SCHIP1: variants seen among roughly 807,000 people sequenced by gnomAD.
The protein encoded by SCHIP1 is schwannomin interacting protein 1, also known as schwannomin-interacting protein 1.
In SCHIP1, 8 loss-of-function variants were observed where a neutral mutation model predicts 29.7. The ratio of observed to expected loss-of-function variants is 0.27; its 90% CI spans 0.16 to 0.49. The LOEUF (loss-of-function observed/expected upper bound fraction) is 0.49. Among genes scored for constraint, SCHIP1 ranks in the 20% least tolerant of loss-of-function variants. The pLI, the probability that SCHIP1 is intolerant of heterozygous loss-of-function variation, is 0.99. For synonymous variants in SCHIP1, 76 were observed against 94.9 expected, an observed-to-expected ratio of 0.80 and a Z score of 1.16; for missense variants, 193 against 294.6, an observed-to-expected ratio of 0.66 and a Z score of 2.52.
At chr3:159,483,349 C>T in the SCHIP1 span, among the ~76,000 whole-genome samples, 2 of 152,124 alleles carry the variant, frequency 1.3e-5, no homozygotes, top group African/African-American at 4.8e-5. Context: ...CGAGAACAAC[C>T]TGAAGGACAG....
the SCHIP1 span, among the ~76,000 whole-genome samples, chr3:159,710,102 G>T: frequency 3.3e-5 from 5 of 152,166 alleles, no homozygotes; most frequent in Non-Finnish European, 5.9e-5. Flanking sequence ...ACATCCAAAA[G>T]AATGAAATCT....
At chr3:159,585,150 G>C in the SCHIP1 span, among the ~76,000 whole-genome samples, 1 of 151,652 alleles carries the variant, frequency 6.6e-6, no homozygotes. Context: ...CTGTATACTA[G>C]ATAATTGACT....
chr3:159,646,278 T>G, the SCHIP1 span, among the ~76,000 whole-genome samples: 1 of 152,290 alleles, frequency 6.6e-6, no homozygotes, highest in South Asian at 2.1e-4. Flanking sequence ...ATCACTTAGC[T>G]GTTTGTGCTT....
At chr3:159,324,123 C>A in the SCHIP1 span, among the ~76,000 whole-genome samples, 2 of 152,130 alleles carry the variant, frequency 1.3e-5, no homozygotes, top group African/African-American at 4.8e-5. Context: ...CGGGTTACTG[C>A]AGCCTGTGAG....
At chr3:159,692,194 TA>T in the SCHIP1 span, among the ~76,000 whole-genome samples, 36 of 152,226 alleles carry the variant, frequency 2.4e-4, no homozygotes, top group African/African-American at 8.2e-4. Flanking sequence ...ATCTGATGAT[TA>T]TGTGTCTTGA....
At chr3:159,768,710 G>A in the SCHIP1 span, 3 of 152,252 alleles carry the variant, frequency 2.0e-5, no homozygotes, top group African/African-American at 7.2e-5. Flanking sequence ...AAACACTCTA[G>A]TGACTGGATC....
the SCHIP1 span, among the ~76,000 whole-genome samples, chr3:159,454,417 A>C: frequency 6.6e-6 from 1 of 152,076 alleles, no homozygotes; most frequent in African/African-American, 2.4e-5. Flanking sequence ...AAGTCCTGAA[A>C]CCAAATCCTA....
At chr3:159,399,027 C>T in the SCHIP1 span, 1 of 744,756 alleles carries the variant, frequency 1.3e-6, no homozygotes, top group South Asian at 6.1e-5. Context: ...CTAGTGCCCA[C>T]CCCAAACCCT....
chr3:159,482,855 A>G, the SCHIP1 span, among the ~76,000 whole-genome samples: 1 of 152,130 alleles, frequency 6.6e-6, no homozygotes, highest in Admixed American at 6.6e-5. Flanking sequence ...AATGCCCAAC[A>G]GTGAGTAGTA....
the SCHIP1 span, among the ~76,000 whole-genome samples, chr3:159,600,106 G>A: frequency 6.6e-6 from 1 of 152,028 alleles, no homozygotes; most frequent in Non-Finnish European, 1.5e-5. Flanking sequence ...TTCCTTTATA[G>A]GTGACTAGGC....
the SCHIP1 span, among the ~76,000 whole-genome samples, chr3:159,405,424 A>G: frequency 1.3e-5 from 2 of 152,240 alleles, no homozygotes; most frequent in Non-Finnish European, 2.9e-5. Context: ...TATTAATTCT[A>G]TCACATAAAT....
At chr3:159,601,819 C>G in the SCHIP1 span, among the ~76,000 whole-genome samples, 1 of 152,214 alleles carries the variant, frequency 6.6e-6, no homozygotes, top group South Asian at 2.1e-4. Flanking sequence ...GCACCTTTGG[C>G]TCTAGCCAGT....
Position 159,866,385 on chromosome 3 carries a change from C to T in SCHIP1, c.149+104C>T, listed in dbSNP as rs549275767. On this transcript the variant is annotated intron_variant, in intron 2 of 6. Coordinates refer to ENST00000445224, the Ensembl canonical transcript of SCHIP1. ...TTTAAATCTTCTGTAGTTTTTTTTT[C>T]CCCCTCGCATAATACTGCCATCTTT... 6,310 of 1,052,612 alleles carry T rather than the reference C, an allele frequency of 6.0e-3. 35 individuals are homozygous for T. The highest frequency in any genetic ancestry group is 6.3e-3 in the Non-Finnish European group (4,591 of 729,454). The allele number at this position is 1,052,612 out of a possible 1,614,324, so 65.2% of individuals were successfully genotyped here. A position where few individuals can be genotyped will look rare whatever the true frequency, so the allele number is the denominator to read the frequency against.
At chr3:159,360,320 A>G in the SCHIP1 span, among the ~76,000 whole-genome samples, 1 of 152,196 alleles carries the variant, frequency 6.6e-6, no homozygotes, top group Non-Finnish European at 1.5e-5. Flanking sequence ...TCTGGTGTAC[A>G]GTTGCATGCA....
the SCHIP1 span, among the ~76,000 whole-genome samples, chr3:159,439,123 C>T: frequency 6.6e-6 from 1 of 152,138 alleles, no homozygotes; most frequent in African/African-American, 2.4e-5. Context: ...TAAAAGTGTT[C>T]CTTTTTCTGC....
chr3:159,590,015 C>A, the SCHIP1 span, among the ~76,000 whole-genome samples: 2 of 152,138 alleles, frequency 1.3e-5, no homozygotes. Context: ...ATATATGTCC[C>A]AATTTATCTG....
the SCHIP1 span, among the ~76,000 whole-genome samples, chr3:159,621,912 T>G: frequency 2.0e-5 from 3 of 152,168 alleles, no homozygotes; most frequent in Non-Finnish European, 4.4e-5. Context: ...GTGATCTGCC[T>G]GCCTCGGCCT....
chr3:159,588,946 G>A, the SCHIP1 span, among the ~76,000 whole-genome samples: 20 of 152,168 alleles, frequency 1.3e-4, no homozygotes, highest in African/African-American at 4.8e-4. Flanking sequence ...GGCAATGTGG[G>A]CTCTTTTTTG....
intron 1 of SCHIP1, among the ~76,000 whole-genome samples, chr3:159,853,643 T>C (rs1712949370): frequency 6.6e-6 from 1 of 152,270 alleles, no homozygotes; most frequent in Admixed American, 6.5e-5. Context: ...TCCCAGCTTA[T>C]GTTCATTAAT....
Sources: gnomAD v4.1 joint callset for allele counts (sites outside exome capture counted in the v4.1 genomes callset) on GRCh38, gnomAD v4.1.1 for gene constraint, MANE v1.5 for transcripts, NCBI Gene and HGNC (gene_info 2026-07-23, HGNC 2026-07-21) for gene names.